WDR31: variants seen among roughly 807,000 people sequenced by gnomAD.
WDR31 encodes the protein WD repeat-containing protein 31.
WDR31 carries 30 observed loss-of-function variants against 47.3 expected under a neutral mutation model. The ratio of observed to expected loss-of-function variants is 0.63; its 90% confidence interval spans 0.47 to 0.86. WDR31 has a LOEUF of 0.86. Among genes scored for constraint, WDR31 ranks in the 40% least tolerant of loss-of-function variants. WDR31 has a pLI of 0.00. For missense variants in WDR31, 406 were observed against 442.9 expected, an observed-to-expected ratio of 0.92 and a Z score of 0.75; for synonymous variants, 137 against 159.4, an observed-to-expected ratio of 0.86 and a Z score of 1.06.
At chr9:113,324,068 C>A (rs188762612) in intron 5 of WDR31, among the ~76,000 whole-genome samples, 19 of 152,052 alleles carry the variant, frequency 1.2e-4, no homozygotes, top group Middle Eastern at 3.4e-3. Flanking sequence ...ATAAAACTTA[C>A]CATTTTAACC....
At position 113,314,854 on chromosome 9, in the gene WDR31, G is replaced by A. The variant is rs141735637; in HGVS notation, c.*1895C>T. On this transcript the variant is annotated 3_prime_UTR_variant, in exon 11 of 11. Coordinates refer to ENST00000374193, the MANE Select transcript of WDR31 (RefSeq NM_001012361.4). ...TGGTCTCAAACTCCTGACCTCAGGT[G>A]ATCCTCCTGCCTCGGCCTCCCAAAG... 1,831 of 152,236 alleles carry A rather than the reference G, an allele frequency of 0.012. 21 individuals are homozygous for A. The highest frequency in any genetic ancestry group is 0.019 in the Admixed American group (297 of 15,274). 9.4% of individuals were successfully genotyped at this position (152,236 alleles called of 1,614,324 possible).
At position 113,333,446 on chromosome 9, in the gene WDR31, A is replaced by G. The variant is rs189646281; in HGVS notation, c.-28-1396T>C. On this transcript the variant is annotated intron_variant, in intron 2 of 10. Transcript: ENST00000374193. ...CCGGACTGCGGACTGCAGTGGCGCA[A>G]TCTCGGCTCACTGCAAGCTCCGCCT... Among the ~76,000 whole-genome samples, 880 of 146,270 alleles carry G rather than the reference A, an allele frequency of 6.0e-3. 2 individuals carry two copies. Among genetic ancestry groups the G allele is most frequent in the Non-Finnish European group, 8.8e-3 (590 of 66,710 alleles).
intron 3 of WDR31, 97 bp from the exon 4 acceptor site, chr9:113,331,213 A>G: frequency 4.1e-6 from 4 of 973,266 alleles, no homozygotes; most frequent in Non-Finnish European, 5.7e-6. Context: ...TAAGAAGGCA[A>G]TTCAGGCCAG....
rs1833256239 is a variant in WDR31, at chr9:113,318,457, T to C, written c.943+18A>G. On this transcript the variant is annotated intron_variant, in intron 10 of 10. Coordinates refer to ENST00000374193, the MANE Select transcript of WDR31 (RefSeq NM_001012361.4). ...ACTTCATGTATCTTTTGAGGAGAAC[T>C]AACAGCAGGCTGCTTACCTCCAGTA... 6.2e-7 allele frequency: 1 copy of C among 1,613,972 alleles called. No individual in the cohort carries two copies. Among genetic ancestry groups the C allele is most frequent in the Non-Finnish European group, 8.5e-7 (1 of 1,179,980 alleles).
At chr9:113,318,792 A>G (rs1212200254) in intron 9 of WDR31, among the ~76,000 whole-genome samples, 155 bp from the exon 10 acceptor site, 1 of 152,078 alleles carries the variant, frequency 6.6e-6, no homozygotes. Flanking sequence ...CCAACAACCC[A>G]TCCATCCACA....
At chr9:113,328,797 A>G (rs3810920) in intron 5 of WDR31, 84 bp downstream of exon 5, 90,677 of 1,210,300 alleles carry the variant, frequency 0.075, 4,507 homozygotes, top group South Asian at 0.16. Context: ...AAGACCAAAG[A>G]TTCAATCACT....
At chr9:113,326,235 C>G (rs1443901723) in intron 5 of WDR31, among the ~76,000 whole-genome samples, 1 of 152,164 alleles carries the variant, frequency 6.6e-6, no homozygotes, top group African/African-American at 2.4e-5. Context: ...AATAATATAC[C>G]TTCAACTATA....
rs1833198071 is a variant in WDR31, at chr9:113,316,372, A to G, written c.*377T>C. 1.2e-5 allele frequency: 2 copies of G among 169,282 alleles called. No individual in the cohort carries two copies. The highest frequency in any genetic ancestry group is 3.6e-4 in the South Asian group (2 of 5,564). 10.5% of individuals were successfully genotyped at this position (169,282 alleles called of 1,614,324 possible). A position where few individuals can be genotyped will look rare whatever the true frequency, so the allele number is the denominator to read the frequency against. On this transcript the variant is annotated 3_prime_UTR_variant, in exon 11 of 11. Coordinates refer to ENST00000374193, the MANE Select transcript of WDR31 (RefSeq NM_001012361.4). ...CCTTTTTTCTTTTGTAAAGACTTGC[A>G]AAGGGTCAGTTCCAGAGGCTCGAGC...
Position 113,318,724 on chromosome 9 carries a change from C to G in WDR31, c.781-87G>C, listed in dbSNP as rs930570556. 2.8e-6 allele frequency: 4 copies of G among 1,422,860 alleles called. No individual in the cohort carries two copies. The African/African-American group carries it at 5.6e-5, about 20-fold the overall frequency. The allele number at this position is 1,422,860 out of a possible 1,614,324, so 88.1% of individuals were successfully genotyped here. A position where few individuals can be genotyped will look rare whatever the true frequency, so the allele number is the denominator to read the frequency against. ...ATCTCCCCCTACCCCCATGATGCAC[C>G]TATTCCCTCCACTTACCTGCTCACG... On this transcript the variant is annotated intron_variant, in intron 9 of 10. Transcript: ENST00000374193.
At chr9:113,320,112 G>T (rs190784096) in intron 9 of WDR31, among the ~76,000 whole-genome samples, 1 of 152,110 alleles carries the variant, frequency 6.6e-6, no homozygotes, top group Admixed American at 6.6e-5. Flanking sequence ...TAGAGACAGG[G>T]TCTTGCTCTG....
chr9:113,339,396 C>T (rs200062427), intron 1 of WDR31, among the ~76,000 whole-genome samples: 5 of 152,130 alleles, frequency 3.3e-5, no homozygotes, highest in African/African-American at 1.2e-4. Flanking sequence ...TATCTCCCTC[C>T]GTCTCCCCAA....
In WDR31 at chr9:113,316,762, A is replaced by C; in HGVS notation, c.1091T>G (p.Val364Gly). 1 of 1,613,968 alleles carries C rather than the reference A, an allele frequency of 6.2e-7. No individual in the cohort carries two copies. Among genetic ancestry groups the C allele is most frequent in the South Asian group, 1.1e-5 (1 of 91,024 alleles). Residue 364 changes from valine to glycine, a missense_variant, in exon 11 of 11, where the codon GTG (valine) becomes GGG (glycine). By Grantham distance (109) the Val-to-Gly change is moderately radical (BLOSUM62 -3). Transcript: ENST00000374193. ...DHSQGLELQE[V>G]AAF ...TGTCTCTTGGCCTCAGAATGCTGCC[A>C]CTTCCTGCAGTTCCAGCCCTTGGCT...
intron 2 of WDR31, among the ~76,000 whole-genome samples, chr9:113,334,689 G>A (rs1449269164): frequency 6.2e-5 from 9 of 144,422 alleles, no homozygotes; most frequent in East Asian, 6.1e-4. Context: ...ACAGGCATGC[G>A]CCACTACATC....
chr9:113,329,144 T>G (rs1045153142), intron 4 of WDR31, among the ~76,000 whole-genome samples, 189 bp from the exon 5 acceptor site: 1 of 152,228 alleles, frequency 6.6e-6, no homozygotes, highest in African/African-American at 2.4e-5. Context: ...GTTTCTTTTC[T>G]TTCCTCCTGG....
chr9:113,338,954 G>A (rs561712114), intron 1 of WDR31, among the ~76,000 whole-genome samples: 2 of 152,106 alleles, frequency 1.3e-5, no homozygotes, highest in African/African-American at 4.8e-5. Flanking sequence ...CAACATAAGC[G>A]CCCTTTTAAC....
chr9:113,326,334 CAT>C (rs1224969187), intron 5 of WDR31, among the ~76,000 whole-genome samples: 11 of 152,232 alleles, frequency 7.2e-5, no homozygotes, highest in Non-Finnish European at 1.3e-4. Context: ...ACTCTCCGCA[CAT>C]ACAGATTCTT....
At chr9:113,321,650 C>G (rs1462812234) in intron 7 of WDR31, 72 bp from the exon 8 acceptor site, 3 of 1,415,326 alleles carry the variant, frequency 2.1e-6, no homozygotes, top group Non-Finnish European at 3.0e-6. Context: ...GTCAAATGTG[C>G]TAACTAGCAT....
Position 113,318,523 on chromosome 9 carries a change from T to A in WDR31, c.895A>T (p.Thr299Ser). 6.2e-7 allele frequency: 1 copy of A among 1,614,222 alleles called. No individual in the cohort carries two copies. The highest frequency in any genetic ancestry group is 8.5e-7 in the Non-Finnish European group (1 of 1,180,034). Residue 299 changes from threonine to serine, a missense_variant, in exon 10 of 11, where the codon ACC becomes TCC. Thr to Ser is a moderately conservative substitution (Grantham distance 58). Coordinates refer to ENST00000374193, the MANE Select transcript of WDR31 (RefSeq NM_001012361.4). ...RALALMPLIA[T>S]SSHDCKVKIW... ...TTCACCTTGCAATCATGTGATGAGG[T>A]AGCAATTAAAGGCATCAAGGCCAAT...
intron 6 of WDR31, 34 bp downstream of exon 6, chr9:113,322,977 C>A (rs1322109813): frequency 1.9e-6 from 3 of 1,613,580 alleles, no homozygotes; most frequent in African/African-American, 1.3e-5. Context: ...TCAGAAAGCA[C>A]AAAGGCATTG....
Sources: allele counts gnomAD v4.1 joint callset (sites outside exome capture counted in the v4.1 genomes callset), GRCh38; gene constraint gnomAD v4.1.1; transcripts MANE v1.5; gene names NCBI Gene and HGNC (gene_info 2026-07-23, HGNC 2026-07-21).